Variants in SUSD4 observed in about 807,000 individuals in gnomAD.
The protein encoded by SUSD4 is sushi domain-containing protein 4.
A neutral mutation model predicts 50.5 loss-of-function variants in SUSD4; 41 were observed. The ratio of observed to expected loss-of-function variants is 0.81; its 90% confidence interval spans 0.63 to 1.05. The LOEUF is 1.05. Among genes scored for constraint, SUSD4 ranks in the 50% least tolerant of loss-of-function variants. The pLI, the probability that SUSD4 is intolerant of heterozygous loss-of-function variation, is 0.00. For missense variants in SUSD4, 580 were observed against 634.7 expected (o/e 0.91, Z 0.93); for synonymous variants, 257 against 257.3 (o/e 1.00, Z 0.01).
chr1:223,303,241 T>C (rs149410168), intron 2 of SUSD4, among the ~76,000 whole-genome samples: 43 of 151,820 alleles, frequency 2.8e-4, no homozygotes, highest in Admixed American at 7.9e-4. Flanking sequence ...GCCTAAACAA[T>C]CTCTGTTTGG....
At chr1:223,277,577 G>A (rs1408917155) in intron 3 of SUSD4, among the ~76,000 whole-genome samples, 1 of 152,050 alleles carries the variant, frequency 6.6e-6, no homozygotes, top group African/African-American at 2.4e-5. Flanking sequence ...CCACTACCCA[G>A]AACAATTAAA....
intron 2 of SUSD4, among the ~76,000 whole-genome samples, chr1:223,337,163 T>A (rs1288018688): frequency 6.6e-6 from 1 of 152,192 alleles, no homozygotes; most frequent in Non-Finnish European, 1.5e-5. Flanking sequence ...CAAGTATTAG[T>A]TGAATAAATT....
chr1:223,343,737 C>T (rs907047890), intron 2 of SUSD4, among the ~76,000 whole-genome samples: 1 of 152,274 alleles, frequency 6.6e-6, no homozygotes, highest in East Asian at 1.9e-4. Flanking sequence ...CATACATCTG[C>T]ATATATATAG....
intron 5 of SUSD4, among the ~76,000 whole-genome samples, chr1:223,244,641 A>G (rs1660798541): frequency 6.6e-6 from 1 of 152,076 alleles, no homozygotes; most frequent in Non-Finnish European, 1.5e-5. Context: ...TACCACTGAG[A>G]ACTGGTGACT....
chr1:223,305,800 T>A (rs1053511537), intron 2 of SUSD4, among the ~76,000 whole-genome samples: 1 of 152,082 alleles, frequency 6.6e-6, no homozygotes, highest in African/African-American at 2.4e-5. Context: ...TGGGAATGAG[T>A]TGGGGGATGC....
rs545064987 is a variant in SUSD4, at chr1:223,244,583, G to A, written c.725-15195C>T. On this transcript the variant is annotated intron_variant, in intron 5 of 8. Transcript: ENST00000366878. ...TGGTCCCTCAGTGTAGATAATGCAG[G>A]GACCCTGCTGAGTCTCCAACCCCAC... Among the ~76,000 whole-genome samples the A allele has an allele frequency of 4.6e-5, 7 of 152,210 alleles. No individual in the cohort carries two copies. In the South Asian group the frequency reaches 1.5e-3, roughly 32 times the overall value.
At chr1:223,316,668 A>G (rs1174598904) in intron 2 of SUSD4, among the ~76,000 whole-genome samples, 1 of 152,178 alleles carries the variant, frequency 6.6e-6, no homozygotes, top group African/African-American at 2.4e-5. Flanking sequence ...AGTGGAGGGC[A>G]AAAGGGAGGC....
At chr1:223,284,298 G>T (rs1663982132) in intron 3 of SUSD4, among the ~76,000 whole-genome samples, 1 of 152,202 alleles carries the variant, frequency 6.6e-6, no homozygotes, top group Admixed American at 6.5e-5. Context: ...CCCTAATTGG[G>T]TATGGGCCTG....
intron 5 of SUSD4, among the ~76,000 whole-genome samples, chr1:223,257,655 T>A (rs566545115): frequency 1.3e-5 from 2 of 152,346 alleles, no homozygotes; most frequent in Admixed American, 1.3e-4. Context: ...CAATATGACC[T>A]TTCTTCTGTC....
chr1:223,270,334 C>A (rs768236704), intron 3 of SUSD4, among the ~76,000 whole-genome samples: 3 of 152,122 alleles, frequency 2.0e-5, no homozygotes, highest in Admixed American at 6.5e-5. Context: ...ACACACCTGG[C>A]GAAAGAGTGC....
chr1:223,266,467 T>A (rs1662497380), intron 4 of SUSD4, among the ~76,000 whole-genome samples: 1 of 152,204 alleles, frequency 6.6e-6, no homozygotes, highest in Non-Finnish European at 1.5e-5. Context: ...TTGTGCTCGC[T>A]CTTCTTCCTA....
rs765461463 is a variant in SUSD4, at chr1:223,363,304, C to T, written c.122G>A (p.Cys41Tyr). The T allele has an allele frequency of 1.2e-6, 2 of 1,609,384 alleles. No individual in the cohort carries two copies. The highest frequency in any genetic ancestry group is 2.2e-5 in the East Asian group (1 of 44,802). Residue 41 changes from cysteine to tyrosine, a missense_variant, in exon 2 of 9, where the codon TGC becomes TAC. Physicochemically the swap from Cys to Tyr is radical, Grantham distance 194. Coordinates refer to ENST00000366878, the MANE Select transcript of SUSD4 (RefSeq NM_017982.4). ...AVILWFQLAL[C>Y]FGPAQLTGGF... ...GCCCGTGAGCTGTGCAGGGCCGAAGCACAGCGCCAGCTGAAACCACAGGAT... is the reference window on the plus strand; with the variant it reads ...GCCCGTGAGCTGTGCAGGGCCGAAGTACAGCGCCAGCTGAAACCACAGGAT...
chr1:223,290,561 C>T (rs17163769), intron 3 of SUSD4, among the ~76,000 whole-genome samples: 8,082 of 152,198 alleles, frequency 0.053, 317 homozygotes, highest in East Asian at 0.12. Context: ...TTTGGACACA[C>T]GTGGTCTTAT....
rs536909060 is a variant in SUSD4, at chr1:223,349,467, AGCAAATGTTATGGCCCT to A, written c.148+13794_148+13810del. 3.9e-5 allele frequency among the ~76,000 whole-genome samples: 6 copies of A among 152,290 alleles called. No homozygotes were observed. The South Asian group carries it at 1.2e-3, about 32-fold the overall frequency. On this transcript the variant is annotated intron_variant, in intron 2 of 8. Transcript: ENST00000366878. ...TCTAGCAGTAGTTTGATTAGATTAG[AGCAAATGTTATGGCCCT>A]GTAATTTGGGAAATTCTGCAAATTT...
intron 2 of SUSD4, among the ~76,000 whole-genome samples, chr1:223,305,488 A>G (rs571504832): frequency 1.3e-5 from 2 of 152,360 alleles, no homozygotes; most frequent in South Asian, 2.1e-4. Context: ...AAAGAAAATC[A>G]AAGGTTCCCA....
intron 5 of SUSD4, among the ~76,000 whole-genome samples, chr1:223,260,847 C>T (rs1662068330): frequency 6.6e-6 from 1 of 152,204 alleles, no homozygotes; most frequent in African/African-American, 2.4e-5. Context: ...CAAAGCGTTT[C>T]CTTCCAAATT....
At chr1:223,232,432 A>G (rs759723026) in intron 5 of SUSD4, among the ~76,000 whole-genome samples, 1 of 152,266 alleles carries the variant, frequency 6.6e-6, no homozygotes, top group African/African-American at 2.4e-5. Flanking sequence ...AAAAAGAGGT[A>G]CACAGAGCAG....
chr1:223,285,441 CA>C (rs572913745), intron 3 of SUSD4, among the ~76,000 whole-genome samples: 149 of 152,276 alleles, frequency 9.8e-4, no homozygotes, highest in African/African-American at 3.5e-3. Context: ...ACTCAATTCA[CA>C]ATGCCCCACA....
At chr1:223,303,389 G>A (rs1451982312) in intron 2 of SUSD4, among the ~76,000 whole-genome samples, 3 of 152,342 alleles carry the variant, frequency 2.0e-5, no homozygotes, top group South Asian at 2.1e-4. Flanking sequence ...ACTGGGGGAA[G>A]GAGCGGACAG....
Sources: gnomAD v4.1 joint callset for allele counts (sites outside exome capture counted in the v4.1 genomes callset) on GRCh38, gnomAD v4.1.1 for gene constraint, MANE v1.5 for transcripts, NCBI Gene and HGNC (gene_info 2026-07-23, HGNC 2026-07-21) for gene names.